Variants in GLIS1 observed in about 807,000 individuals in gnomAD.
GLIS1 encodes GLIS family zinc finger 1, also known as zinc finger protein GLIS1.
A neutral mutation model predicts 63.8 loss-of-function variants in GLIS1; 24 were observed. That is an observed-to-expected ratio of 0.38 (90% CI 0.27 to 0.53). The LOEUF is 0.53. GLIS1 is among the 20% of genes least tolerant of loss of function. GLIS1 has a pLI of 0.85. For missense variants in GLIS1, 1,036 were observed against 1,074.1 expected (o/e 0.96, Z 0.50); for synonymous variants, 450 against 482.5 (o/e 0.93, Z 0.88).
intron 2 of GLIS1, among the ~76,000 whole-genome samples, chr1:53,720,131 G>A (rs1019449449): frequency 4.6e-5 from 7 of 152,210 alleles, no homozygotes; most frequent in African/African-American, 1.4e-4. Flanking sequence ...AGCCAAGATC[G>A]TGCCACTGCA....
chr1:53,513,300 C>T (rs984543815), intron 8 of GLIS1, among the ~76,000 whole-genome samples: 2 of 152,156 alleles, frequency 1.3e-5, no homozygotes, highest in African/African-American at 4.8e-5. Flanking sequence ...CACAGTCCAC[C>T]CCACCCCTGC....
At chr1:53,736,247 T>G (rs1234673851) in intron 2 of GLIS1, among the ~76,000 whole-genome samples, 1 of 152,164 alleles carries the variant, frequency 6.6e-6, no homozygotes, top group Non-Finnish European at 1.5e-5. Flanking sequence ...ATTTTGGACA[T>G]GTTTGGGGGC....
At position 53,713,541 on chromosome 1, in the gene GLIS1, C is replaced by T. The variant is rs569339718; in HGVS notation, c.259+24265G>A. On this transcript the variant is annotated intron_variant, in intron 2 of 10. Coordinates refer to ENST00000628545, the MANE Select transcript of GLIS1 (RefSeq NM_001367484.1). Reference sequence around the variant, plus strand: ...ACCAGCCTGGGCAACACAGTAAGACCTCGTCTCTTCAAGACCAGCCTGGGC... The same window carrying T: ...ACCAGCCTGGGCAACACAGTAAGACTTCGTCTCTTCAAGACCAGCCTGGGC... 6.6e-3 allele frequency among the ~76,000 whole-genome samples: 1,006 copies of T among 152,222 alleles called. 12 individuals are homozygous for T. Among genetic ancestry groups the T allele is most frequent in the Non-Finnish European group, 0.011 (762 of 68,002 alleles).
At chr1:53,617,239 G>A (rs571114580) in intron 2 of GLIS1, among the ~76,000 whole-genome samples, 1 of 134,932 alleles carries the variant, frequency 7.4e-6, no homozygotes, top group East Asian at 2.2e-4. Context: ...CATTTAGTGG[G>A]GAGCAGCCAG....
In GLIS1 at chr1:53,506,462, G is replaced by A. The variant is rs74086338; in HGVS notation, c.*157C>T. The A allele has an allele frequency of 9.3e-4, 682 of 731,494 alleles. 3 individuals are homozygous for A. The African/African-American group carries it at 0.011, about 12-fold the overall frequency. 45.3% of individuals were successfully genotyped at this position (731,494 alleles called of 1,614,324 possible). On this transcript the variant is annotated 3_prime_UTR_variant, in exon 11 of 11. Transcript: ENST00000628545. ...GCTCGGATGGCGGCTCCCTGGCAGCGCTGGGTGGGGTGGCAGCGCTGGCTC... is the reference window on the plus strand; with the variant it reads ...GCTCGGATGGCGGCTCCCTGGCAGCACTGGGTGGGGTGGCAGCGCTGGCTC...
chr1:53,599,147 C>A (rs923367292), intron 3 of GLIS1, among the ~76,000 whole-genome samples: 2 of 152,224 alleles, frequency 1.3e-5, no homozygotes, highest in Non-Finnish European at 2.9e-5. Flanking sequence ...ACCTGGCTGT[C>A]AGCAAACCAG....
At chr1:53,689,998 T>TCTCTTCCCAACA (rs1250402065) in intron 2 of GLIS1, among the ~76,000 whole-genome samples, 5 of 152,206 alleles carry the variant, frequency 3.3e-5, no homozygotes, top group African/African-American at 4.8e-5. Context: ...TCTTCCCAAA[T>TCTCTTCCCAACA]GAAGCTCTCT....
At chr1:53,712,530 T>A (rs1244712855) in intron 2 of GLIS1, among the ~76,000 whole-genome samples, 4 of 152,218 alleles carry the variant, frequency 2.6e-5, no homozygotes, top group African/African-American at 9.6e-5. Flanking sequence ...TGGTAATACC[T>A]GTGCAGCTCT....
intron 2 of GLIS1, among the ~76,000 whole-genome samples, chr1:53,617,080 G>A (rs936392382): frequency 3.3e-5 from 5 of 152,020 alleles, no homozygotes; most frequent in African/African-American, 4.8e-5. Flanking sequence ...GCCCTAGGCT[G>A]GAGTCAGCCT....
intron 4 of GLIS1, among the ~76,000 whole-genome samples, chr1:53,583,339 C>T (rs1280331125): frequency 6.6e-6 from 1 of 152,198 alleles, no homozygotes; most frequent in Admixed American, 6.5e-5. Flanking sequence ...ACAAATGTTA[C>T]TTTTGGCTTG....
chr1:53,617,444 T>C (rs574177251), intron 2 of GLIS1, among the ~76,000 whole-genome samples: 47 of 152,364 alleles, frequency 3.1e-4, no homozygotes, highest in Admixed American at 1.2e-3. Context: ...GGAACTGCCA[T>C]GTAAATTGAG....
intron 4 of GLIS1, among the ~76,000 whole-genome samples, chr1:53,586,149 G>A (rs966066440): frequency 2.0e-5 from 3 of 152,178 alleles, no homozygotes; most frequent in African/African-American, 7.2e-5. Context: ...TGGCTTCCAG[G>A]AAGCCTCTCC....
chr1:53,716,901 C>T (rs1226952409), intron 2 of GLIS1, among the ~76,000 whole-genome samples: 2 of 152,006 alleles, frequency 1.3e-5, no homozygotes, highest in Non-Finnish European at 2.9e-5. Flanking sequence ...AGTATCTAGC[C>T]CAACGAATGG....
chr1:53,642,488 C>T (rs558094123), intron 2 of GLIS1, among the ~76,000 whole-genome samples: 176 of 152,302 alleles, frequency 1.2e-3, no homozygotes, highest in African/African-American at 4.0e-3. Context: ...ATCCACACCG[C>T]CATGCCAGTC....
In GLIS1 at chr1:53,739,108, G is replaced by T. The variant is rs1273788724; in HGVS notation, c.-46C>A. On this transcript the variant is annotated 5_prime_UTR_variant, in exon 1 of 11. Transcript: ENST00000628545. ...CGCGGGCCGCGCCCCCTCTCACCTCGCAGCGGCAGCTGCAGATCGCTGGGC... is the reference window on the plus strand; with the variant it reads ...CGCGGGCCGCGCCCCCTCTCACCTCTCAGCGGCAGCTGCAGATCGCTGGGC... Among the ~76,000 whole-genome samples, 2 of 149,910 alleles carry T rather than the reference G, an allele frequency of 1.3e-5. No individual in the cohort carries two copies.
At chr1:53,696,562 C>G (rs1028909738) in intron 2 of GLIS1, among the ~76,000 whole-genome samples, 1 of 152,202 alleles carries the variant, frequency 6.6e-6, no homozygotes, top group Non-Finnish European at 1.5e-5. Context: ...AAAAACTCTC[C>G]ATGGCCCCCT....
chr1:53,653,878 G>A (rs972810357), intron 2 of GLIS1, among the ~76,000 whole-genome samples: 2 of 152,208 alleles, frequency 1.3e-5, no homozygotes, highest in Admixed American at 1.3e-4. Context: ...GCCAGCAGTG[G>A]GTGAGGAGGA....
At chr1:53,576,801 C>A (rs2100482611) in intron 4 of GLIS1, among the ~76,000 whole-genome samples, 1 of 152,268 alleles carries the variant, frequency 6.6e-6, no homozygotes, top group African/African-American at 2.4e-5. Flanking sequence ...AACTCTGTAC[C>A]CCACTCTCCT....
chr1:53,723,413 A>G (rs1460120550), intron 2 of GLIS1, among the ~76,000 whole-genome samples: 1 of 151,640 alleles, frequency 6.6e-6, no homozygotes, highest in Non-Finnish European at 1.5e-5. Flanking sequence ...TAATTTTTGT[A>G]TGGTAGTGAC....
Sources: gnomAD v4.1 joint callset for allele counts (sites outside exome capture counted in the v4.1 genomes callset) on GRCh38, gnomAD v4.1.1 for gene constraint, MANE v1.5 for transcripts, NCBI Gene and HGNC (gene_info 2026-07-23, HGNC 2026-07-21) for gene names.